Variants in HEG1 observed in about 807,000 individuals in gnomAD.
The protein encoded by HEG1 is protein HEG homolog 1.
Under a neutral mutation model 125.6 loss-of-function variants are expected in HEG1, and 56 were observed. The observed-to-expected ratio is 0.45, with a 90% CI of 0.36 to 0.56. The LOEUF is 0.56. Ranked by LOEUF, HEG1 falls within the 20% of genes least tolerant of loss-of-function variation. HEG1 has a pLI of 0.00. For synonymous variants in HEG1, 644 were observed against 668.5 expected (o/e 0.96, Z 0.57); for missense variants, 1,523 against 1,670.0 (o/e 0.91, Z 1.53).
At chr3:124,982,722 C>A (rs1560016259) in intron 14 of HEG1, among the ~76,000 whole-genome samples, 3 of 152,172 alleles carry the variant, frequency 2.0e-5, no homozygotes, top group African/African-American at 7.2e-5. Flanking sequence ...TGCTTAGCCA[C>A]CCCCCTTCTG....
intron 1 of HEG1, among the ~76,000 whole-genome samples, chr3:125,040,430 T>G (rs1304285093): frequency 6.6e-6 from 1 of 152,014 alleles, no homozygotes; most frequent in Non-Finnish European, 1.5e-5. Flanking sequence ...TTCTAGGGTG[T>G]CGCCTGGTAG....
At position 125,013,942 on chromosome 3, in the gene HEG1, C is replaced by T. The variant is rs1230614384; in HGVS notation, c.1637G>A (p.Arg546Lys). Residue 546 changes from arginine to lysine, a missense_variant, in exon 6 of 17, where the codon AGG becomes AAG. Physicochemically the swap from Arg to Lys is conservative, Grantham distance 26. Transcript: ENST00000311127. ...GTGGTCTGTGTGGTCGCTGGAAGTCCTTTGTTCAATAGCTGTGCCACGCAC... is the reference window on the plus strand; with the variant it reads ...GTGGTCTGTGTGGTCGCTGGAAGTCTTTTGTTCAATAGCTGTGCCACGCAC... ...GQVRGTAIEQRTSSDHTDHTY... is the reference protein window; with the variant it reads ...GQVRGTAIEQKTSSDHTDHTY... 6.2e-6 allele frequency: 10 copies of T among 1,612,340 alleles called. No individual in the cohort carries two copies. The highest frequency in any genetic ancestry group is 1.3e-5 in the African/African-American group (1 of 74,556).
intron 1 of HEG1, among the ~76,000 whole-genome samples, chr3:125,032,486 T>A (rs1194195993): frequency 6.6e-6 from 1 of 152,172 alleles, no homozygotes; most frequent in African/African-American, 2.4e-5. Context: ...AAGACCCACA[T>A]GCAGCTAGAA....
intron 1 of HEG1, among the ~76,000 whole-genome samples, chr3:125,045,777 C>T (rs2107713508): frequency 6.6e-6 from 1 of 152,336 alleles, no homozygotes; most frequent in Non-Finnish European, 1.5e-5. Context: ...ACAGCACATG[C>T]ATGTTTACAA....
Position 125,012,831 on chromosome 3 carries a change from A to G in HEG1, c.2748T>C (p.Pro916=). The G allele has an allele frequency of 1.2e-6, 2 of 1,614,006 alleles. No homozygotes were observed. Among genetic ancestry groups the G allele is most frequent in the Non-Finnish European group, 1.7e-6 (2 of 1,179,866 alleles). Residue 916 remains proline (P), a synonymous_variant, in exon 6 of 17, where the codon CCT becomes CCC. Transcript: ENST00000311127. ...VIVDATTGLI[P]LTSVPTSAKE... is the part of the protein sequence containing the mutation. ...TTGCTGATGTGGGTACACTGGTCAAAGGGATCAATCCAGTGGTAGCATCCA... is the reference window on the plus strand; with the variant it reads ...TTGCTGATGTGGGTACACTGGTCAAGGGGATCAATCCAGTGGTAGCATCCA...
At chr3:124,993,380 G>A (rs759971686) in intron 12 of HEG1, among the ~76,000 whole-genome samples, 2 of 152,198 alleles carry the variant, frequency 1.3e-5, no homozygotes, top group Non-Finnish European at 2.9e-5. Context: ...GTTTAGGGAA[G>A]GAGTAACGAG....
chr3:125,019,461 G>A lies in HEG1; in HGVS notation c.1389C>T (p.Ser463=), dbSNP rs1269716347. 3 of 1,614,036 alleles carry A rather than the reference G, an allele frequency of 1.9e-6. No homozygotes were observed. The highest frequency in any genetic ancestry group is 2.5e-6 in the Non-Finnish European group (3 of 1,179,890). Residue 463 remains serine, a synonymous_variant, in exon 5 of 17, where the codon AGC becomes AGT. Transcript: ENST00000311127. ...TTCCTGTCACATCTGCAGATGTTGT[G>A]CTGTTGGTCAAGAGCCAGTGTGCAG... is the stretch of plus-strand genomic sequence containing the variant. ...EITAHWLLTN[S]TTSADVTGSS... is the part of the protein sequence containing the mutation.
intron 14 of HEG1, among the ~76,000 whole-genome samples, chr3:124,978,432 C>T (rs1936586446): frequency 6.6e-6 from 1 of 152,176 alleles, no homozygotes. Flanking sequence ...CAGGCGTGAG[C>T]CACCGCGCCC....
intron 1 of HEG1, among the ~76,000 whole-genome samples, chr3:125,037,325 C>A (rs932275215): frequency 6.6e-6 from 1 of 152,210 alleles, no homozygotes; most frequent in African/African-American, 2.4e-5. Flanking sequence ...TAGGAATGGG[C>A]TTTCTGGGGT....
chr3:124,972,456 C>A (rs996576358), intron 16 of HEG1, among the ~76,000 whole-genome samples: 1 of 151,956 alleles, frequency 6.6e-6, no homozygotes, highest in Non-Finnish European at 1.5e-5. Context: ...ACTTTTTGTT[C>A]TTCCTCTAGG....
At chr3:125,031,670 CAT>C (rs1491040074) in intron 1 of HEG1, among the ~76,000 whole-genome samples, 134 of 139,176 alleles carry the variant, frequency 9.6e-4, no homozygotes, top group African/African-American at 3.2e-3. Context: ...CACACACACA[CAT>C]ACATACATAC....
chr3:125,043,956 C>T (rs368636635), intron 1 of HEG1, among the ~76,000 whole-genome samples: 3 of 152,326 alleles, frequency 2.0e-5, no homozygotes, highest in Non-Finnish European at 4.4e-5. Flanking sequence ...GGCCTGGGCC[C>T]GGGCCCCGGT....
intron 15 of HEG1, among the ~76,000 whole-genome samples, chr3:124,975,645 A>G (rs1247132708): frequency 2.0e-5 from 3 of 152,040 alleles, no homozygotes; most frequent in East Asian, 1.9e-4. Flanking sequence ...CCAAGAAGAA[A>G]CCCCATACCC....
Position 124,970,492 on chromosome 3 carries a change from G to A in HEG1, c.*160C>T. 1.6e-6 allele frequency: 1 copy of A among 611,024 alleles called. No individual in the cohort carries two copies. The highest frequency in any genetic ancestry group is 2.0e-5 in the South Asian group (1 of 49,622). The allele number at this position is 611,024 out of a possible 1,614,324, so 37.9% of individuals were successfully genotyped here. On this transcript the variant is annotated 3_prime_UTR_variant, in exon 17 of 17. Transcript: ENST00000311127. ...GCAGCCTGTGGTTCCACATCCACCT[G>A]TCTCCTCCACTGTGGTCACGCCCCG... is the stretch of plus-strand genomic sequence containing the variant.
intron 1 of HEG1, among the ~76,000 whole-genome samples, chr3:125,036,138 A>C (rs1036760002): frequency 6.9e-6 from 1 of 144,018 alleles, no homozygotes; most frequent in African/African-American, 2.5e-5. Context: ...TGAGCCTAGG[A>C]GGTCAAGGCT....
chr3:125,048,927 G>A (rs752444086), intron 1 of HEG1, among the ~76,000 whole-genome samples: 24 of 152,224 alleles, frequency 1.6e-4, no homozygotes, highest in Non-Finnish European at 2.9e-4. Flanking sequence ...TAGGCTTCTA[G>A]CTTAAGGAAC....
intron 14 of HEG1, among the ~76,000 whole-genome samples, chr3:124,988,640 C>T (rs1471136477): frequency 1.3e-5 from 2 of 152,128 alleles, no homozygotes; most frequent in South Asian, 2.1e-4. Context: ...AAACATCGGC[C>T]GGGCACGGTG....
intron 11 of HEG1, among the ~76,000 whole-genome samples, chr3:124,999,925 A>G (rs7625038): frequency 0.38 from 58,155 of 151,976 alleles, 12,801 homozygotes; most frequent in African/African-American, 0.61. Context: ...GGAAGTGGAT[A>G]TTTTATGAAG....
Position 125,029,122 on chromosome 3 carries a change from G to A in HEG1, c.610+73C>T, listed in dbSNP as rs1937457938. On this transcript the variant is annotated intron_variant, in intron 2 of 16. Transcript: ENST00000311127. Reference sequence around the variant, plus strand: ...CACAATGGCTCAGAATGGGGTTGTGGGGAATGGCAGAAACTTTGTTTTCCA... The same window carrying A: ...CACAATGGCTCAGAATGGGGTTGTGAGGAATGGCAGAAACTTTGTTTTCCA... 4 of 1,485,080 alleles carry A rather than the reference G, an allele frequency of 2.7e-6. No individual in the cohort carries two copies. In the Admixed American group the frequency reaches 6.0e-5, roughly 22 times the overall value. The allele number at this position is 1,485,080 out of a possible 1,614,324, so 92.0% of individuals were successfully genotyped here. A position where few individuals can be genotyped will look rare whatever the true frequency, so the allele number is the denominator to read the frequency against.
Sources: allele counts gnomAD v4.1 joint callset (sites outside exome capture counted in the v4.1 genomes callset), GRCh38; gene constraint gnomAD v4.1.1; transcripts MANE v1.5; gene names NCBI Gene and HGNC (gene_info 2026-07-23, HGNC 2026-07-21).